Variants in MTREX observed in about 807,000 individuals in gnomAD.
The protein encoded by MTREX is exosome RNA helicase MTR4.
A neutral mutation model predicts 135.4 loss-of-function variants in MTREX; 76 were observed. The ratio of observed to expected loss-of-function variants is 0.56; its 90% CI spans 0.47 to 0.68. The LOEUF is 0.68. Among genes scored for constraint, MTREX ranks in the 30% least tolerant of loss-of-function variants. MTREX has a pLI of 0.00. For missense variants in MTREX, 920 were observed against 1,262.1 expected, an observed-to-expected ratio of 0.73 and a Z score of 4.11; for synonymous variants, 404 against 401.6, an observed-to-expected ratio of 1.01 and a Z score of -0.07.
At chr5:55,327,275 G>A (rs1749398564) in intron 3 of MTREX, among the ~76,000 whole-genome samples, 2 of 152,126 alleles carry the variant, frequency 1.3e-5, no homozygotes, top group South Asian at 4.1e-4. Flanking sequence ...TCGCCACACT[G>A]CACAAAGACT....
rs1271761003 is a variant in MTREX, at chr5:55,349,666, A to G, written c.1320+14A>G. On this transcript the variant is annotated intron_variant, in intron 12 of 26. Coordinates refer to ENST00000230640, the MANE Select transcript of MTREX (RefSeq NM_015360.5). ...AAACTCCCTCAGGTGAGTTTTCAGT[A>G]TCAGTAGATAAAAGTGTAGATAATA... The G allele has an allele frequency of 2.2e-6, 3 of 1,385,348 alleles. No individual in the cohort carries two copies. The highest frequency in any genetic ancestry group is 3.1e-6 in the Non-Finnish European group (3 of 975,002). 85.8% of individuals were successfully genotyped at this position (1,385,348 alleles called of 1,614,324 possible).
intron 15 of MTREX, among the ~76,000 whole-genome samples, chr5:55,366,445 C>A (rs1001945674): frequency 6.6e-6 from 1 of 152,086 alleles, no homozygotes; most frequent in Non-Finnish European, 1.5e-5. Context: ...AGCAGCCTTG[C>A]AGTGGGGGAC....
chr5:55,389,974 A>G (rs1279026164), intron 19 of MTREX, among the ~76,000 whole-genome samples: 1 of 152,212 alleles, frequency 6.6e-6, no homozygotes, highest in Admixed American at 6.5e-5. Flanking sequence ...AGCATTATTC[A>G]GGGTAGGTTA....
chr5:55,308,172 C>A (rs1440794080), intron 1 of MTREX, 25 bp downstream of exon 1: 3 of 1,554,730 alleles, frequency 1.9e-6, no homozygotes, highest in African/African-American at 2.8e-5. Flanking sequence ...CCAGTTGTTG[C>A]TTTTATTTTT....
chr5:55,369,089 C>T (rs1273198961), intron 16 of MTREX, among the ~76,000 whole-genome samples: 2 of 151,348 alleles, frequency 1.3e-5, no homozygotes, highest in African/African-American at 2.4e-5. Context: ...ATCCCTTTCT[C>T]CCACCAAAAA....
At chr5:55,364,969 AAG>A (rs1345564810) in intron 15 of MTREX, among the ~76,000 whole-genome samples, 2 of 152,158 alleles carry the variant, frequency 1.3e-5, no homozygotes, top group African/African-American at 2.4e-5. Context: ...GTCAGAGTGA[AAG>A]AGGGGACTAT....
intron 1 of MTREX, among the ~76,000 whole-genome samples, chr5:55,310,024 TTGAA>T (rs1311918862): frequency 6.6e-6 from 1 of 152,226 alleles, no homozygotes; most frequent in Non-Finnish European, 1.5e-5. Context: ...GCTAGAGTGT[TTGAA>T]TGGGCAACTA....
chr5:55,422,826 G>C (rs1751075069), intron 25 of MTREX, 52 bp from the exon 26 acceptor site: 8 of 1,451,378 alleles, frequency 5.5e-6, no homozygotes, highest in South Asian at 3.7e-5. Context: ...CAAAAATTCT[G>C]CTGTTCCTGA....
intron 15 of MTREX, among the ~76,000 whole-genome samples, chr5:55,359,560 A>G (rs1467253152): frequency 1.3e-5 from 2 of 152,182 alleles, no homozygotes; most frequent in African/African-American, 4.8e-5. Context: ...ATGTCTTTAC[A>G]TGAGTGAAGA....
intron 24 of MTREX, among the ~76,000 whole-genome samples, chr5:55,415,167 C>T (rs1424853627): frequency 6.6e-6 from 1 of 151,554 alleles, no homozygotes; most frequent in Admixed American, 6.6e-5. Context: ...TTCAGAACAA[C>T]AGACACTGGT....
chr5:55,379,529 A>G (rs1459707153), intron 18 of MTREX, among the ~76,000 whole-genome samples: 1 of 150,994 alleles, frequency 6.6e-6, no homozygotes, highest in Non-Finnish European at 1.5e-5. Context: ...TGAGAAAACT[A>G]TTAAATGGTG....
chr5:55,341,657 T>C (rs768670762), intron 6 of MTREX, 24 bp from the exon 7 acceptor site: 2 of 1,341,750 alleles, frequency 1.5e-6, no homozygotes, highest in Non-Finnish European at 2.1e-6. Flanking sequence ...TCCAACTAAA[T>C]ACATTTTTTA....
chr5:55,356,133 C>A (rs1749908514), intron 14 of MTREX, among the ~76,000 whole-genome samples: 2 of 152,204 alleles, frequency 1.3e-5, no homozygotes, highest in South Asian at 4.1e-4. Flanking sequence ...ATGGCCCAGG[C>A]CCATGGCAAG....
intron 17 of MTREX, 119 bp downstream of exon 17, chr5:55,378,605 A>G (rs1032094547): frequency 1.7e-5 from 19 of 1,120,162 alleles, no homozygotes; most frequent in African/African-American, 6.5e-5. Flanking sequence ...TAGTTGATCT[A>G]TATTAATCAT....
rs111812598 is a variant in MTREX, at chr5:55,330,456, C to CT, written c.515+1652dup. 6.6e-3 allele frequency among the ~76,000 whole-genome samples: 997 copies of CT among 151,852 alleles called. 17 individuals carry two copies. Among genetic ancestry groups the CT allele is most frequent in the African/African-American group, 0.023 (956 of 41,448 alleles). On this transcript the variant is annotated intron_variant, in intron 5 of 26. Transcript: ENST00000230640. The stretch of plus-strand genomic sequence containing the variant: ...GTGTCTCTTAACTTTTTTTAGCTTC[C>CT]TTTTTTTCGTAATGTTTTTTTCTAT...
At chr5:55,308,296 G>A in intron 1 of MTREX, 149 bp downstream of exon 1, 1 of 950,362 alleles carries the variant, frequency 1.1e-6, no homozygotes, top group Middle Eastern at 2.8e-4. Context: ...TGGAGAGGGT[G>A]GAAGAATGTT....
chr5:55,332,213 G>A (rs1487207953), intron 5 of MTREX, among the ~76,000 whole-genome samples: 1 of 152,128 alleles, frequency 6.6e-6, no homozygotes, highest in Non-Finnish European at 1.5e-5. Context: ...ATGGAACTGG[G>A]CCATTCTAAA....
At chr5:55,353,106 T>A in intron 13 of MTREX, 62 bp from the exon 14 acceptor site, 1 of 1,181,394 alleles carries the variant, frequency 8.5e-7, no homozygotes, top group East Asian at 2.6e-5. Context: ...TACTTAAAAA[T>A]TATAAAACCA....
chr5:55,346,868 C>CAT (rs1749748358), intron 10 of MTREX, 145 bp from the exon 11 acceptor site: 2 of 573,350 alleles, frequency 3.5e-6, no homozygotes, highest in South Asian at 5.9e-5. Context: ...CTTTTGTTGT[C>CAT]ATATCTAAGA....
Sources: allele counts gnomAD v4.1 joint callset (sites outside exome capture counted in the v4.1 genomes callset), GRCh38; gene constraint gnomAD v4.1.1; transcripts MANE v1.5; gene names NCBI Gene and HGNC (gene_info 2026-07-23, HGNC 2026-07-21).